The following TPCN1 variants were observed in gnomAD, a reference collection of about 807,000 sequenced individuals.
The protein encoded by TPCN1 is two pore segment channel 1.
TPCN1 carries 52 observed loss-of-function variants against 108.8 expected under a neutral mutation model. The observed-to-expected ratio is 0.48, with a 90% confidence interval of 0.38 to 0.60. TPCN1 has a LOEUF of 0.60. Ranked by LOEUF, TPCN1 falls within the 20% of genes least tolerant of loss-of-function variation. The pLI is 0.00. For synonymous variants in TPCN1, 446 were observed against 433.7 expected, an observed-to-expected ratio of 1.03 and a Z score of -0.35; for missense variants, 806 against 1,072.8, an observed-to-expected ratio of 0.75 and a Z score of 3.47.
chr12:113,259,154 T>A (rs1244132400), intron 2 of TPCN1, among the ~76,000 whole-genome samples: 1 of 152,070 alleles, frequency 6.6e-6, no homozygotes, highest in Non-Finnish European at 1.5e-5. Flanking sequence ...TTTTTGTATT[T>A]TTAGTAGAGT....
At chr12:113,287,807 A>C (rs987386621) in intron 19 of TPCN1, among the ~76,000 whole-genome samples, 24 of 152,164 alleles carry the variant, frequency 1.6e-4, no homozygotes, top group African/African-American at 5.8e-4. Context: ...GGTGAGCTCC[A>C]TTGCCCCCGC....
At chr12:113,292,817 C>A in intron 25 of TPCN1, 117 bp from the exon 26 acceptor site, 2 of 1,174,246 alleles carry the variant, frequency 1.7e-6, no homozygotes, top group Non-Finnish European at 2.4e-6. Context: ...AATGCAGTGT[C>A]GGTTTAGAGA....
chr12:113,273,395 G>T lies in TPCN1; in HGVS notation c.842+105G>T, dbSNP rs553627156. 10 of 1,373,498 alleles carry T rather than the reference G, an allele frequency of 7.3e-6. No homozygotes were observed. In the South Asian group the frequency reaches 1.2e-4, roughly 16 times the overall value. The allele number at this position is 1,373,498 out of a possible 1,614,324, so 85.1% of individuals were successfully genotyped here. On this transcript the variant is annotated intron_variant, in intron 9 of 27. Transcript: ENST00000335509. This position sits in a 1 kb window ranked among gnomAD's most constrained non-coding sequence, Gnocchi z 4.0. The stretch of plus-strand genomic sequence containing the variant: ...ACATCCCAGCACAGGCAGGTGCTGT[G>T]GTGCTATTGGGAGACAGGGTTGGCC...
Position 113,273,349 on chromosome 12 carries a change from C to T in TPCN1, c.842+59C>T. 1 of 1,557,732 alleles carries T rather than the reference C, an allele frequency of 6.4e-7. No homozygotes were observed. Among genetic ancestry groups the T allele is most frequent in the African/African-American group, 1.4e-5 (1 of 73,890 alleles). ...TGCTGCCGCCCTGGGGTCTCTTTCT[C>T]TTTTCTGCCAAGTATATTCCACATC... On this transcript the variant is annotated intron_variant, in intron 9 of 27. Transcript: ENST00000335509. The surrounding 1 kb of genome is among the most constrained non-coding windows in gnomAD (Gnocchi z 4.0).
intron 2 of TPCN1, among the ~76,000 whole-genome samples, chr12:113,240,704 G>T (rs1037571273): frequency 2.0e-5 from 3 of 151,562 alleles, no homozygotes; most frequent in Non-Finnish European, 4.4e-5. Context: ...CTGTTGTGTT[G>T]CAGGGAGAAT....
intron 10 of TPCN1, 66 bp from the exon 11 acceptor site, chr12:113,276,853 C>A (rs190193874): frequency 1.9e-6 from 2 of 1,080,158 alleles, no homozygotes; most frequent in Non-Finnish European, 1.4e-6. Flanking sequence ...GAACTCATAC[C>A]CCCCTGCACT....
intron 19 of TPCN1, 185 bp downstream of exon 19, chr12:113,287,279 G>A: frequency 1.7e-6 from 1 of 591,954 alleles, no homozygotes; most frequent in Non-Finnish European, 3.0e-6. Flanking sequence ...GGCTGCCTGT[G>A]CCCTTCCCCT....
intron 2 of TPCN1, among the ~76,000 whole-genome samples, chr12:113,246,849 C>T (rs1954412314): frequency 1.3e-5 from 2 of 152,190 alleles, no homozygotes; most frequent in African/African-American, 4.8e-5. Context: ...TTGGAGAGGG[C>T]CAGCCCCGGC....
intron 2 of TPCN1, among the ~76,000 whole-genome samples, chr12:113,252,469 G>A (rs528439600): frequency 1.3e-5 from 2 of 152,326 alleles, no homozygotes; most frequent in Admixed American, 1.3e-4. Context: ...GTGAGAAGAA[G>A]GGCAGGAAGG....
At chr12:113,221,697 G>T (rs1953229960) in intron 1 of TPCN1, 71 bp downstream of exon 1, 1 of 163,464 alleles carries the variant, frequency 6.1e-6, no homozygotes, top group Non-Finnish European at 1.3e-5. Flanking sequence ...AGGACGCGGA[G>T]TAAGGGGTTG....
At chr12:113,263,987 T>C (rs1393342810) in intron 3 of TPCN1, among the ~76,000 whole-genome samples, 1 of 152,146 alleles carries the variant, frequency 6.6e-6, no homozygotes, top group Non-Finnish European at 1.5e-5. Context: ...AGTCCTAGAG[T>C]TAAAATCTGA....
intron 1 of TPCN1, among the ~76,000 whole-genome samples, chr12:113,224,734 CATTTA>C (rs1181180250): frequency 1.3e-5 from 2 of 151,566 alleles, no homozygotes; most frequent in African/African-American, 2.4e-5. Flanking sequence ...ATTTTTTTGT[CATTTA>C]ATTTAATTAA....
rs1339601745 is a variant in TPCN1, at chr12:113,269,560, G to C, written c.660-197G>C. The stretch of plus-strand genomic sequence containing the variant: ...GTGGAGGTGGCTGTGTGCTACGCCT[G>C]CCCTAGTTCTTCCCTGCCATCCGCT... On this transcript the variant is annotated intron_variant, in intron 6 of 27. Coordinates refer to ENST00000335509, the MANE Select transcript of TPCN1 (RefSeq NM_017901.6). This position sits in a 1 kb window ranked among gnomAD's most constrained non-coding sequence, Gnocchi z 5.0. Among the ~76,000 whole-genome samples, 4 of 152,130 alleles carry C rather than the reference G, an allele frequency of 2.6e-5. No homozygotes were observed. The highest frequency in any genetic ancestry group is 5.9e-5 in the Non-Finnish European group (4 of 68,028).
In TPCN1 at chr12:113,290,259, C is replaced by T. The variant is rs534708708; in HGVS notation, c.1912+16C>T. ...AACAGCTTTGGTGAGTGGGAAAAAT[C>T]ACAGGGGGCACATTCCCTGGGGACC... On this transcript the variant is annotated intron_variant, in intron 22 of 27. Coordinates refer to ENST00000335509, the MANE Select transcript of TPCN1 (RefSeq NM_017901.6). The T allele has an allele frequency of 6.6e-7, 1 of 1,524,198 alleles. No individual in the cohort carries two copies. The highest frequency in any genetic ancestry group is 9.0e-7 in the Non-Finnish European group (1 of 1,113,322). 94.4% of individuals were successfully genotyped at this position (1,524,198 alleles called of 1,614,324 possible). A position where few individuals can be genotyped will look rare whatever the true frequency, so the allele number is the denominator to read the frequency against.
intron 3 of TPCN1, among the ~76,000 whole-genome samples, chr12:113,261,483 C>T (rs1396749180): frequency 7.9e-6 from 1 of 127,266 alleles, no homozygotes; most frequent in Non-Finnish European, 1.5e-5. Flanking sequence ...AGTTGAATTG[C>T]AGTGGCTTGA....
At chr12:113,290,760 C>G (rs888228190) in intron 22 of TPCN1, among the ~76,000 whole-genome samples, 192 bp from the exon 23 acceptor site, 1 of 152,200 alleles carries the variant, frequency 6.6e-6, no homozygotes, top group Non-Finnish European at 1.5e-5. Context: ...TGGGGGCAGG[C>G]CATGATGTCC....
At chr12:113,253,347 T>C (rs1335358653) in intron 2 of TPCN1, among the ~76,000 whole-genome samples, 1 of 152,228 alleles carries the variant, frequency 6.6e-6, no homozygotes, top group Non-Finnish European at 1.5e-5. Flanking sequence ...TAGGTGTCAG[T>C]TATCTGTTGC....
At chr12:113,252,042 G>C (rs556786623) in intron 2 of TPCN1, among the ~76,000 whole-genome samples, 3 of 152,190 alleles carry the variant, frequency 2.0e-5, no homozygotes, top group East Asian at 3.9e-4. Context: ...AGAAGATCGG[G>C]TTAAGATTTC....
chr12:113,226,637 A>G (rs1593064133), intron 1 of TPCN1, 91 bp from the exon 2 acceptor site: 3 of 1,084,170 alleles, frequency 2.8e-6, no homozygotes, highest in Non-Finnish European at 2.6e-6. Flanking sequence ...AGGTTGTGCA[A>G]CCATCACCAC....
Sources: gnomAD v4.1 joint callset for allele counts (sites outside exome capture counted in the v4.1 genomes callset) on GRCh38, gnomAD v4.1.1 for gene constraint, Gnocchi (gnomAD v3.1) non-coding constraint, MANE v1.5 for transcripts, NCBI Gene and HGNC (gene_info 2026-07-23, HGNC 2026-07-21) for gene names.